The following SCN10A variants were observed in gnomAD, a reference collection of about 807,000 sequenced individuals.
SCN10A encodes sodium channel protein type 10 subunit alpha.
A neutral mutation model predicts 170.7 loss-of-function variants in SCN10A; 162 were observed. That is an observed-to-expected ratio of 0.95 (90% CI 0.84 to 1.08). The LOEUF (loss-of-function observed/expected upper bound fraction) is 1.08, where lower values mean the gene tolerates loss of function less well. SCN10A is among the 50% of genes least tolerant of loss of function. The pLI, the probability that SCN10A is intolerant of heterozygous loss-of-function variation, is 0.00. For synonymous variants in SCN10A, 985 were observed against 904.6 expected (o/e 1.09, Z -1.59); for missense variants, 2,527 against 2,436.9 (o/e 1.04, Z -0.78).
At chr3:38,739,860 C>G (rs140273297) in intron 14 of SCN10A, among the ~76,000 whole-genome samples, 172 bp from the exon 15 acceptor site, 4 of 152,194 alleles carry the variant, frequency 2.6e-5, no homozygotes, top group Non-Finnish European at 5.9e-5. Context: ...GTCAACGTGA[C>G]AGAATGGAGA....
chr3:38,718,595 T>C, intron 21 of SCN10A, 58 bp downstream of exon 21: 1 of 1,565,534 alleles, frequency 6.4e-7, no homozygotes, highest in Non-Finnish European at 8.8e-7. Context: ...GCCCTAGCTG[T>C]AGCCAGGAGT....
intron 6 of SCN10A, among the ~76,000 whole-genome samples, chr3:38,761,815 A>T (rs1022998728): frequency 1.4e-4 from 20 of 142,108 alleles, no homozygotes; most frequent in Admixed American, 7.7e-4. Context: ...ACTGTGTGTG[A>T]GTGTGTGTGT....
chr3:38,710,653 G>C (rs1483850062), intron 24 of SCN10A, among the ~76,000 whole-genome samples, 191 bp downstream of exon 24: 1 of 149,612 alleles, frequency 6.7e-6, no homozygotes, highest in Non-Finnish European at 1.5e-5. Flanking sequence ...TAGATGAAAG[G>C]GGGAAAGCCT....
chr3:38,791,811 T>C (rs2064284399), intron 3 of SCN10A, among the ~76,000 whole-genome samples: 1 of 152,182 alleles, frequency 6.6e-6, no homozygotes, highest in South Asian at 2.1e-4. Context: ...GTGTCTAGAT[T>C]AGTCTGAGGT....
intron 13 of SCN10A, among the ~76,000 whole-genome samples, chr3:38,747,370 A>G (rs2063702745): frequency 6.6e-6 from 1 of 152,174 alleles, no homozygotes; most frequent in African/African-American, 2.4e-5. Context: ...CTGTGAGCAA[A>G]ACAGACACAT....
At chr3:38,788,217 A>C (rs2064232758) in intron 4 of SCN10A, among the ~76,000 whole-genome samples, 1 of 13,562 alleles carries the variant, frequency 7.4e-5, no homozygotes, top group African/African-American at 2.8e-4. Flanking sequence ...TATGATTAGC[A>C]AAAAAAAAAA....
rs1463974488 is a variant in SCN10A, at chr3:38,725,227, G to C, written c.3175C>G (p.Pro1059Ala). The C allele has an allele frequency of 1.9e-6, 3 of 1,606,786 alleles. No homozygotes were observed. The South Asian group carries it at 3.3e-5, about 18-fold the overall frequency. ...TCTTTCCACGTCTCACCCAGGGATG[G>C]AGCCAGGTCCTCAGAAGATGTTCCA... ...GTGTSSEDLAPSLGETWKDES... is the reference protein window; with the variant it reads ...GTGTSSEDLAASLGETWKDES... The change falls in exon 18 of 28, where the codon CCA (proline) becomes GCA (alanine). Residue 1059 changes from proline (P) to alanine (A), a missense_variant. Pro to Ala is a conservative substitution (Grantham distance 27). Transcript: ENST00000449082.
In SCN10A at chr3:38,755,845, C is replaced by T. The variant is rs1404542522; in HGVS notation, c.1404G>A (p.Glu468=). 6.2e-7 allele frequency: 1 copy of T among 1,614,158 alleles called. No individual in the cohort carries two copies. The highest frequency in any genetic ancestry group is 1.3e-5 in the African/African-American group (1 of 75,048). Residue 468 remains glutamate, a synonymous_variant, in exon 11 of 28, where the codon GAG becomes GAA. Transcript: ENST00000449082. ...GTGATTTGTTGTCTTCTGTGGAGCC[C>T]TCTGACACTCTTGGCTTTATTCTAT... The part of the protein sequence containing the change: ...RRHRIKPRVS[E]GSTEDNKSPR...
chr3:38,798,786 C>CTTTTTTT lies in SCN10A; in HGVS notation c.-32-4751_-32-4745dup, dbSNP rs35930968. On this transcript the variant is annotated intron_variant, in intron 1 of 27. Coordinates refer to ENST00000449082, the MANE Select transcript of SCN10A (RefSeq NM_006514.4). ...AGCGATATTTGGTTCCCCTTGCCTC[C>CTTTTTTT]TTTTTTTTTTTTTTTTTTTTTGAGA... Among the ~76,000 whole-genome samples the CTTTTTTT allele has an allele frequency of 3.2e-3, 310 of 97,712 alleles. 18 individuals carry two copies. Among genetic ancestry groups the CTTTTTTT allele is most frequent in the African/African-American group, 4.7e-3 (118 of 24,864 alleles). The allele number at this position is 97,712 out of a possible 152,430, so 64.1% of individuals were successfully genotyped here.
intron 1 of SCN10A, among the ~76,000 whole-genome samples, chr3:38,800,888 T>A (rs1575187250): frequency 6.6e-6 from 1 of 152,166 alleles, no homozygotes; most frequent in South Asian, 2.1e-4. Context: ...ATTTCTGAGA[T>A]CTGATGAGTG....
At chr3:38,774,229 T>C (rs780534207) in intron 4 of SCN10A, among the ~76,000 whole-genome samples, 28 of 152,206 alleles carry the variant, frequency 1.8e-4, no homozygotes, top group Non-Finnish European at 3.1e-4. Context: ...ACACTCTTTA[T>C]GTTTTCTAAA....
intron 20 of SCN10A, among the ~76,000 whole-genome samples, chr3:38,719,663 G>A (rs941038906): frequency 2.0e-5 from 3 of 152,200 alleles, no homozygotes; most frequent in Admixed American, 1.3e-4. Context: ...AAAGTGCTGG[G>A]ATTACAGGCG....
At chr3:38,813,547 C>G (rs537707673) in intron 1 of SCN10A, among the ~76,000 whole-genome samples, 1 of 152,182 alleles carries the variant, frequency 6.6e-6, no homozygotes, top group Non-Finnish European at 1.5e-5. Context: ...GGCCATGTCA[C>G]AATTGATGAA....
At chr3:38,814,736 A>G (rs1209577331) in intron 1 of SCN10A, among the ~76,000 whole-genome samples, 1 of 152,178 alleles carries the variant, frequency 6.6e-6, no homozygotes, top group Non-Finnish European at 1.5e-5. Context: ...CCATTATTTG[A>G]CTAAGTGGAC....
intron 1 of SCN10A, among the ~76,000 whole-genome samples, chr3:38,808,149 C>T (rs968741329): frequency 5.9e-5 from 9 of 152,146 alleles, no homozygotes; most frequent in African/African-American, 2.2e-4. Context: ...TTGTACATCA[C>T]CCTTTTCCTT....
At chr3:38,780,140 C>G (rs1195731712) in intron 4 of SCN10A, among the ~76,000 whole-genome samples, 1 of 151,966 alleles carries the variant, frequency 6.6e-6, no homozygotes, top group Non-Finnish European at 1.5e-5. Context: ...TCCTCCTACT[C>G]TAATAATTTC....
intron 5 of SCN10A, among the ~76,000 whole-genome samples, chr3:38,767,364 G>A (rs1575163744): frequency 6.6e-6 from 1 of 151,724 alleles, no homozygotes; most frequent in African/African-American, 2.4e-5. Flanking sequence ...ACTTTTTGAT[G>A]TAGGTATTTA....
At chr3:38,793,611 T>A in intron 2 of SCN10A, 130 bp downstream of exon 2, 1 of 755,878 alleles carries the variant, frequency 1.3e-6, no homozygotes, top group Middle Eastern at 4.0e-4. Flanking sequence ...TATATATTTT[T>A]TTTGGTTGTT....
intron 20 of SCN10A, among the ~76,000 whole-genome samples, chr3:38,721,158 A>G (rs1336230245): frequency 6.6e-6 from 1 of 152,142 alleles, no homozygotes; most frequent in Non-Finnish European, 1.5e-5. Flanking sequence ...CCATGCACCG[A>G]GCAGTTTTGT....
Sources: allele counts gnomAD v4.1 joint callset (sites outside exome capture counted in the v4.1 genomes callset), GRCh38; gene constraint gnomAD v4.1.1; transcripts MANE v1.5; gene names NCBI Gene and HGNC (gene_info 2026-07-23, HGNC 2026-07-21).